Variants in TMC1 observed in about 807,000 individuals in gnomAD.
TMC1 encodes the protein transmembrane channel like 1.
In TMC1, 84 loss-of-function variants were observed where a neutral mutation model predicts 105.8. The observed-to-expected ratio is 0.79, with a 90% confidence interval of 0.67 to 0.95. The LOEUF (loss-of-function observed/expected upper bound fraction) is 0.95. Among genes scored for constraint, TMC1 ranks in the 40% least tolerant of loss-of-function variants. The probability of loss-of-function intolerance (pLI) is 0.00; values close to 1 mark genes in which losing one functional copy is unlikely to be tolerated. For synonymous variants in TMC1, 315 were observed against 311.5 expected (o/e 1.01, Z -0.12); for missense variants, 817 against 914.1 (o/e 0.89, Z 1.37).
At chr9:72,607,004 G>T (rs199809053) in intron 2 of TMC1, among the ~76,000 whole-genome samples, 10,008 of 123,844 alleles carry the variant, frequency 0.081, 274 homozygotes, top group Middle Eastern at 0.094. Flanking sequence ...TATATATATA[G>T]AGAGAGAGAG....
At chr9:72,646,227 T>C (rs538169273) in intron 4 of TMC1, among the ~76,000 whole-genome samples, 7 of 152,212 alleles carry the variant, frequency 4.6e-5, no homozygotes, top group Non-Finnish European at 8.8e-5. Flanking sequence ...ACAGTGCTAC[T>C]AATATAAATA....
chr9:72,537,181 C>A lies in TMC1; in HGVS notation c.-428+15268C>A, dbSNP rs148610498. 1.2e-4 allele frequency among the ~76,000 whole-genome samples: 18 copies of A among 152,274 alleles called. No individual in the cohort carries two copies. In the East Asian group the frequency reaches 3.1e-3, roughly 26 times the overall value. ...CTGAGGCAGCACAGGGCAGTGGTAC[C>A]CCAGGCTTGTCCTGCAAAATTATTT... On this transcript the variant is annotated intron_variant, in intron 1 of 23. Transcript: ENST00000297784.
At chr9:72,697,233 T>C (rs2793151) in intron 7 of TMC1, among the ~76,000 whole-genome samples, 77,925 of 151,936 alleles carry the variant, frequency 0.51, 21,327 homozygotes, top group African/African-American at 0.73. Flanking sequence ...AAGTTTTGTA[T>C]ACATATGTTC....
Position 72,522,989 on chromosome 9 carries a change from A to C in TMC1, c.-428+1076A>C, listed in dbSNP as rs115542230. ...TCAACCCCCTTCCCCAGAAGTGACA[A>C]TTAAAAATGTCTCCAGACTTTTCCA... On this transcript the variant is annotated intron_variant, in intron 1 of 23. Transcript: ENST00000297784. Among the ~76,000 whole-genome samples the C allele has an allele frequency of 4.0e-3, 615 of 152,274 alleles. 3 individuals carry two copies. Among genetic ancestry groups the C allele is most frequent in the African/African-American group, 0.014 (584 of 41,556 alleles).
At chr9:72,589,638 G>C (rs535894248) in intron 2 of TMC1, among the ~76,000 whole-genome samples, 2 of 152,126 alleles carry the variant, frequency 1.3e-5, no homozygotes, top group African/African-American at 4.8e-5. Context: ...TAAGGTTATG[G>C]GTTGAGGAAT....
chr9:72,774,037 T>C (rs1480177432), intron 13 of TMC1, among the ~76,000 whole-genome samples: 1 of 152,244 alleles, frequency 6.6e-6, no homozygotes, highest in Non-Finnish European at 1.5e-5. Flanking sequence ...TTAGGCTATA[T>C]TTTATTAGGC....
At chr9:72,816,001 C>T in intron 18 of TMC1, 142 bp from the exon 19 acceptor site, 1 of 727,892 alleles carries the variant, frequency 1.4e-6, no homozygotes, top group Non-Finnish European at 2.5e-6. Context: ...TTATTTATAT[C>T]TGGTTACTTA....
At chr9:72,748,178 T>C (rs1057368870) in intron 10 of TMC1, among the ~76,000 whole-genome samples, 2 of 152,202 alleles carry the variant, frequency 1.3e-5, no homozygotes, top group African/African-American at 4.8e-5. Flanking sequence ...CACCTGTAGC[T>C]CAAGACTGCC....
At chr9:72,669,059 CT>C (rs1826087704) in intron 5 of TMC1, among the ~76,000 whole-genome samples, 1 of 152,172 alleles carries the variant, frequency 6.6e-6, no homozygotes, top group Non-Finnish European at 1.5e-5. Context: ...AATCCCAGCA[CT>C]TTGGGAGGCT....
At chr9:72,601,878 G>A (rs2132112856) in intron 2 of TMC1, among the ~76,000 whole-genome samples, 1 of 152,260 alleles carries the variant, frequency 6.6e-6, no homozygotes, top group East Asian at 1.9e-4. Flanking sequence ...GGGACCAGAA[G>A]TATTTCAGAT....
chr9:72,809,217 G>A (rs74717422), intron 18 of TMC1, among the ~76,000 whole-genome samples: 8 of 152,260 alleles, frequency 5.3e-5, no homozygotes, highest in African/African-American at 1.7e-4. Flanking sequence ...AAATCTGAGT[G>A]CAAATATGAA....
chr9:72,621,380 G>A (rs758591527), intron 3 of TMC1, among the ~76,000 whole-genome samples: 11 of 152,166 alleles, frequency 7.2e-5, no homozygotes, highest in Non-Finnish European at 1.5e-4. Context: ...CTGGGAGTTA[G>A]TGTCTTACAG....
intron 2 of TMC1, among the ~76,000 whole-genome samples, chr9:72,597,007 G>A (rs1824732193): frequency 1.3e-5 from 2 of 152,148 alleles, no homozygotes; most frequent in African/African-American, 2.4e-5. Flanking sequence ...GTAAATATTT[G>A]CGGATTTGAA....
intron 3 of TMC1, among the ~76,000 whole-genome samples, chr9:72,616,878 A>T (rs778528310): frequency 6.6e-6 from 1 of 152,080 alleles, no homozygotes; most frequent in Non-Finnish European, 1.5e-5. Flanking sequence ...TGGGAGCCAC[A>T]TCATCCATCA....
Position 72,745,974 on chromosome 9 carries a change from C to T in TMC1, c.535+3449C>T, listed in dbSNP as rs375044036. On this transcript the variant is annotated intron_variant, in intron 10 of 23. Coordinates refer to ENST00000297784, the MANE Select transcript of TMC1 (RefSeq NM_138691.3). ...AGTCAGTTTTACATGTATATGTAGG[C>T]ATGTGAAATTCATTAATCATACTTT... is the stretch of plus-strand genomic sequence containing the variant. Among the ~76,000 whole-genome samples the T allele has an allele frequency of 6.6e-5, 10 of 152,246 alleles. No individual in the cohort carries two copies. In the East Asian group the frequency reaches 1.9e-3, roughly 29 times the overall value.
At chr9:72,621,305 T>A (rs1442279223) in intron 3 of TMC1, among the ~76,000 whole-genome samples, 1 of 152,198 alleles carries the variant, frequency 6.6e-6, no homozygotes, top group African/African-American at 2.4e-5. Flanking sequence ...TCTCAGGGGA[T>A]CAAGCTACTA....
chr9:72,706,942 T>G (rs3006243), intron 8 of TMC1, among the ~76,000 whole-genome samples: 34,569 of 151,852 alleles, frequency 0.23, 4,234 homozygotes, highest in East Asian at 0.38. Flanking sequence ...ACCCAGCTAA[T>G]TTTTGTATTT....
intron 17 of TMC1, among the ~76,000 whole-genome samples, chr9:72,802,606 A>G: frequency 6.6e-6 from 1 of 152,202 alleles, no homozygotes; most frequent in East Asian, 1.9e-4. Context: ...TAATGGAATG[A>G]AGGCAGAAAT....
chr9:72,555,722 G>A (rs950715447), intron 1 of TMC1, among the ~76,000 whole-genome samples: 2 of 151,816 alleles, frequency 1.3e-5, no homozygotes, highest in East Asian at 1.9e-4. Flanking sequence ...CCAGATTCAA[G>A]CAATTCTCCT....
Sources: gnomAD v4.1 joint callset for allele counts (sites outside exome capture counted in the v4.1 genomes callset) on GRCh38, gnomAD v4.1.1 for gene constraint, MANE v1.5 for transcripts, NCBI Gene and HGNC (gene_info 2026-07-23, HGNC 2026-07-21) for gene names.